Variants in TASP1 observed in about 807,000 individuals in gnomAD.
TASP1 encodes taspase 1, also known as threonine aspartase 1.
A neutral mutation model predicts 56.6 loss-of-function variants in TASP1; 16 were observed. The observed-to-expected ratio is 0.28, with a 90% CI of 0.19 to 0.43. The LOEUF (loss-of-function observed/expected upper bound fraction) is 0.43. TASP1 is among the 20% of genes least tolerant of loss of function. TASP1 has a pLI of 1.00. For missense variants in TASP1, 393 were observed against 511.6 expected, an observed-to-expected ratio of 0.77 and a Z score of 2.24; for synonymous variants, 179 against 184.2, an observed-to-expected ratio of 0.97 and a Z score of 0.23.
chr20:13,304,443 T>C, the TASP1 span, among the ~76,000 whole-genome samples: 1 of 152,148 alleles, frequency 6.6e-6, no homozygotes, highest in Non-Finnish European at 1.5e-5. Flanking sequence ...GTCTATAAAT[T>C]GGGGTAAGTC....
intron 4 of TASP1, among the ~76,000 whole-genome samples, chr20:13,613,700 T>C (rs984730556): frequency 8.6e-5 from 13 of 152,044 alleles, no homozygotes; most frequent in African/African-American, 2.7e-4. Flanking sequence ...TATATATTAT[T>C]ATGTTTGAGG....
At chr20:13,426,365 T>C (rs994449187) in intron 12 of TASP1, among the ~76,000 whole-genome samples, 1 of 151,668 alleles carries the variant, frequency 6.6e-6, no homozygotes, top group African/African-American at 2.4e-5. Context: ...AAGAATTACA[T>C]AGTCATTAGA....
chr20:13,404,969 T>C (rs1031922027), intron 13 of TASP1, among the ~76,000 whole-genome samples: 4 of 152,202 alleles, frequency 2.6e-5, no homozygotes, highest in African/African-American at 9.6e-5. Context: ...TGGTTATATT[T>C]TTATCTTTAA....
At chr20:13,563,667 C>CTT (rs75277729) in intron 7 of TASP1, among the ~76,000 whole-genome samples, 30 of 137,780 alleles carry the variant, frequency 2.2e-4, no homozygotes, top group South Asian at 9.4e-4. Context: ...GCCATATGAT[C>CTT]TTTTTTTTTT....
At chr20:13,117,750 G>A in the TASP1 span, 2 of 1,580,418 alleles carry the variant, frequency 1.3e-6, no homozygotes, top group African/African-American at 2.7e-5. Flanking sequence ...GCTTGTGTCT[G>A]TTTAAAACCT....
At chr20:13,522,086 T>G (rs1238422107) in intron 10 of TASP1, among the ~76,000 whole-genome samples, 4 of 152,110 alleles carry the variant, frequency 2.6e-5, no homozygotes, top group Non-Finnish European at 2.9e-5. Flanking sequence ...TGTGAAGTAC[T>G]GCAAAGGAGC....
At chr20:13,335,686 A>AG in the TASP1 span, among the ~76,000 whole-genome samples, 1 of 152,084 alleles carries the variant, frequency 6.6e-6, no homozygotes, top group Admixed American at 6.5e-5. Context: ...ATGAACACAG[A>AG]GGAAAAAAAA....
the TASP1 span, among the ~76,000 whole-genome samples, chr20:13,112,560 G>T: frequency 6.6e-6 from 1 of 152,168 alleles, no homozygotes; most frequent in Admixed American, 6.5e-5. Flanking sequence ...AGCTTTGCAG[G>T]CAGCCATCTT....
chr20:13,192,633 A>C, the TASP1 span, among the ~76,000 whole-genome samples: 4 of 152,162 alleles, frequency 2.6e-5, no homozygotes, highest in East Asian at 5.8e-4. Context: ...TGCTAGGCTC[A>C]AGGGATTCAC....
the TASP1 span, among the ~76,000 whole-genome samples, chr20:13,226,974 G>T: frequency 1.3e-5 from 2 of 152,084 alleles, no homozygotes; most frequent in Non-Finnish European, 2.9e-5. Flanking sequence ...CCTAATTTTT[G>T]ATTTACATTT....
intron 1 of TASP1, among the ~76,000 whole-genome samples, chr20:13,635,169 A>G (rs1045075091): frequency 1.3e-5 from 2 of 152,122 alleles, no homozygotes; most frequent in African/African-American, 2.4e-5. Context: ...GGGTAAACTG[A>G]TCTTATTAAG....
chr20:13,483,273 C>A lies in TASP1; in HGVS notation c.939G>T (p.Glu313Asp). 6.2e-7 allele frequency: 1 copy of A among 1,603,342 alleles called. No homozygotes were observed. The stretch of plus-strand genomic sequence containing the variant: ...TCTCCAACAGGGCTTGGTGAGCATC[C>A]TCAGCTTGTAAAGCATGTGAACATT... ...ARECSHALQAEDAHQALLETM... is the reference protein window; with the variant it reads ...ARECSHALQADDAHQALLETM... The change falls in exon 11 of 14, where the codon GAG (glutamate) becomes GAT (aspartate). Residue 313 changes from glutamate (E) to aspartate (D), a missense_variant. Glu to Asp is a conservative substitution (Grantham distance 45, BLOSUM62 2). Transcript: ENST00000337743.
the TASP1 span, among the ~76,000 whole-genome samples, chr20:13,274,040 G>A: frequency 6.7e-6 from 1 of 148,390 alleles, no homozygotes; most frequent in Non-Finnish European, 1.5e-5. Context: ...GGGAGCCCCC[G>A]CCTTCTGTTG....
chr20:13,187,852 A>G, the TASP1 span, among the ~76,000 whole-genome samples: 1 of 152,252 alleles, frequency 6.6e-6, no homozygotes, highest in Non-Finnish European at 1.5e-5. Context: ...TCAGAACCAT[A>G]AAAGCAAAAA....
the TASP1 span, among the ~76,000 whole-genome samples, chr20:13,123,538 A>G: frequency 6.6e-6 from 1 of 152,188 alleles, no homozygotes; most frequent in African/African-American, 2.4e-5. Flanking sequence ...TAAGTGGCAA[A>G]GCCAGGATTT....
chr20:13,270,020 A>G, the TASP1 span, among the ~76,000 whole-genome samples: 2 of 152,254 alleles, frequency 1.3e-5, no homozygotes, highest in Admixed American at 6.5e-5. Flanking sequence ...GGACAGACAA[A>G]TGGATGAATG....
chr20:13,363,359 T>C, the TASP1 span, among the ~76,000 whole-genome samples: 1 of 152,116 alleles, frequency 6.6e-6, no homozygotes, highest in Admixed American at 6.5e-5. Context: ...GTGGGGTCAA[T>C]TTATTCATAT....
the TASP1 span, among the ~76,000 whole-genome samples, chr20:13,378,590 C>G: frequency 6.6e-6 from 1 of 152,128 alleles, no homozygotes; most frequent in Non-Finnish European, 1.5e-5. Flanking sequence ...TCTATTAGGT[C>G]TGCTTGGTCC....
chr20:13,313,453 G>A, the TASP1 span, among the ~76,000 whole-genome samples: 6 of 152,302 alleles, frequency 3.9e-5, no homozygotes, highest in African/African-American at 7.2e-5. Flanking sequence ...ACACGGAGCC[G>A]TAGTCAATTG....
Sources: gnomAD v4.1 joint callset for allele counts (sites outside exome capture counted in the v4.1 genomes callset) on GRCh38, gnomAD v4.1.1 for gene constraint, MANE v1.5 for transcripts, NCBI Gene and HGNC (gene_info 2026-07-23, HGNC 2026-07-21) for gene names.